The following GALNT18 variants were observed in gnomAD, a reference collection of about 807,000 sequenced individuals.
The protein encoded by GALNT18 is polypeptide N-acetylgalactosaminyltransferase 18, also known as GalNAc-transferase 18.
In GALNT18, 44 loss-of-function variants were observed where a neutral mutation model predicts 69.5. The ratio of observed to expected loss-of-function variants is 0.63; its 90% CI spans 0.50 to 0.81. The LOEUF (loss-of-function observed/expected upper bound fraction) is 0.81. Among genes scored for constraint, GALNT18 ranks in the 40% least tolerant of loss-of-function variants. The probability of loss-of-function intolerance (pLI) is 0.00; values close to 1 mark genes in which losing one functional copy is unlikely to be tolerated. For missense variants in GALNT18, 715 were observed against 810.0 expected (o/e 0.88, Z 1.42); for synonymous variants, 364 against 318.2 (o/e 1.14, Z -1.53).
intron 1 of GALNT18, among the ~76,000 whole-genome samples, chr11:11,556,018 C>T (rs138431296): frequency 2.0e-5 from 3 of 152,260 alleles, no homozygotes; most frequent in East Asian, 3.9e-4. Context: ...ACCATCAGTG[C>T]CAGGTCATGG....
At position 11,511,016 on chromosome 11, in the gene GALNT18, C is replaced by T. The variant is rs527258725; in HGVS notation, c.236-62080G>A. Reference sequence around the variant, plus strand: ...CACAACCGGCACTCTTTCCTCTCGGCGGGGCGTGCAGCTGGTACCGCCTTC... The same window carrying T: ...CACAACCGGCACTCTTTCCTCTCGGTGGGGCGTGCAGCTGGTACCGCCTTC... On this transcript the variant is annotated intron_variant, in intron 1 of 10. Transcript: ENST00000227756. This position sits in a 1 kb window ranked among gnomAD's most constrained non-coding sequence, Gnocchi z 4.9. Among the ~76,000 whole-genome samples the T allele has an allele frequency of 7.2e-5, 11 of 152,144 alleles. No individual in the cohort carries two copies. The highest frequency in any genetic ancestry group is 3.9e-4 in the East Asian group (2 of 5,154).
At chr11:11,274,869 G>A (rs982741849) in intron 10 of GALNT18, among the ~76,000 whole-genome samples, 15 of 152,086 alleles carry the variant, frequency 9.9e-5, no homozygotes, top group African/African-American at 3.6e-4. Context: ...CTTCATCCAT[G>A]GGACATGAAC....
chr11:11,424,503 T>G (rs1310097762), intron 3 of GALNT18, among the ~76,000 whole-genome samples: 1 of 152,176 alleles, frequency 6.6e-6, no homozygotes, highest in Non-Finnish European at 1.5e-5. Flanking sequence ...TCTACCTCCC[T>G]GGGAGATCAT....
chr11:11,394,289 G>A (rs760992227), intron 3 of GALNT18, among the ~76,000 whole-genome samples: 5 of 152,176 alleles, frequency 3.3e-5, no homozygotes, highest in Non-Finnish European at 5.9e-5. Context: ...ATGCATAAAG[G>A]CTAGAAGCAT....
At chr11:11,433,777 C>A (rs118037570) in intron 2 of GALNT18, among the ~76,000 whole-genome samples, 1 of 152,156 alleles carries the variant, frequency 6.6e-6, no homozygotes, top group Non-Finnish European at 1.5e-5. Context: ...CTGCCTGATA[C>A]TAAATGCTGT....
At chr11:11,370,774 G>C (rs10765842) in intron 6 of GALNT18, among the ~76,000 whole-genome samples, 66 of 152,218 alleles carry the variant, frequency 4.3e-4, no homozygotes, top group African/African-American at 1.4e-3. Flanking sequence ...TCACACACAT[G>C]CTGGAAGCAG....
rs1175474904 is a variant in GALNT18 at position 11,505,560 on chromosome 11, A to G, written c.236-56624T>C. 1.3e-5 allele frequency among the ~76,000 whole-genome samples: 2 copies of G among 152,130 alleles called. No individual in the cohort carries two copies. Among genetic ancestry groups the G allele is most frequent in the African/African-American group, 4.8e-5 (2 of 41,438 alleles). On this transcript the variant is annotated intron_variant, in intron 1 of 10. Coordinates refer to ENST00000227756, the MANE Select transcript of GALNT18 (RefSeq NM_198516.3). The surrounding 1 kb of genome is among the most constrained non-coding windows in gnomAD (Gnocchi z 4.6). ...TCCTGGGTTGCATATTACAGCTTCC[A>G]TTGCCTTACCACCTCCTCCCCCATC... is the stretch of plus-strand genomic sequence containing the variant.
At chr11:11,330,532 G>A (rs1414228357) in intron 8 of GALNT18, among the ~76,000 whole-genome samples, 1 of 152,172 alleles carries the variant, frequency 6.6e-6, no homozygotes, top group African/African-American at 2.4e-5. Context: ...CTGAGCAGTG[G>A]TGGGCTGATG....
rs1859103519 is a variant in GALNT18 at position 11,582,181 on chromosome 11, A to C, written c.235+39178T>G. 6.6e-6 allele frequency among the ~76,000 whole-genome samples: 1 copy of C among 152,200 alleles called. No individual in the cohort carries two copies. The highest frequency in any genetic ancestry group is 1.5e-5 in the Non-Finnish European group (1 of 68,030). ...TGAAGAGGGCATTCCCGAAAGAGGA[A>C]AGAGCAGGCAAAGGCTCTGAAGCAG... On this transcript the variant is annotated intron_variant, in intron 1 of 10. Coordinates refer to ENST00000227756, the MANE Select transcript of GALNT18 (RefSeq NM_198516.3). The surrounding 1 kb of genome is among the most constrained non-coding windows in gnomAD (Gnocchi z 5.0).
At chr11:11,327,037 A>G in intron 9 of GALNT18, 49 bp downstream of exon 9, 1 of 1,326,202 alleles carries the variant, frequency 7.5e-7, no homozygotes, top group South Asian at 1.2e-5. Flanking sequence ...TCCCCATGCC[A>G]GGCACTCATA....
rs138237793 is a variant in GALNT18 at position 11,547,685 on chromosome 11, C to G, written c.235+73674G>C. 1.8e-4 allele frequency among the ~76,000 whole-genome samples: 28 copies of G among 152,326 alleles called. 2 individuals carry two copies. The highest frequency in any genetic ancestry group is 6.7e-4 in the African/African-American group (28 of 41,574). On this transcript the variant is annotated intron_variant, in intron 1 of 10. Transcript: ENST00000227756. ...CTACCATGAATCTTAGGGTTCTAAG[C>G]CATCTCCCTGAATCCATACATTCCC...
intron 9 of GALNT18, among the ~76,000 whole-genome samples, chr11:11,296,632 T>TA (rs1252698098): frequency 6.6e-6 from 1 of 152,220 alleles, no homozygotes; most frequent in African/African-American, 2.4e-5. Flanking sequence ...AAATCAGTTT[T>TA]ATCCACTTAG....
At chr11:11,316,397 GA>G (rs1351490065) in intron 9 of GALNT18, among the ~76,000 whole-genome samples, 13 of 152,220 alleles carry the variant, frequency 8.5e-5, no homozygotes, top group African/African-American at 3.1e-4. Flanking sequence ...TGACGTGAAA[GA>G]TATGGGGGTG....
At chr11:11,409,756 C>T (rs927243031) in intron 3 of GALNT18, among the ~76,000 whole-genome samples, 5 of 152,128 alleles carry the variant, frequency 3.3e-5, no homozygotes, top group East Asian at 3.9e-4. Context: ...TGAGTTGGAA[C>T]GGGGAACTAA....
intron 6 of GALNT18, among the ~76,000 whole-genome samples, chr11:11,348,502 T>C (rs2133063978): frequency 6.6e-6 from 1 of 151,224 alleles, no homozygotes; most frequent in Admixed American, 6.6e-5. Flanking sequence ...ATGAAGACAA[T>C]GTCAGTGTGG....
intron 3 of GALNT18, among the ~76,000 whole-genome samples, chr11:11,420,649 T>C (rs11021846): frequency 0.1 from 15,555 of 152,256 alleles, 1,449 homozygotes; most frequent in East Asian, 0.42. Flanking sequence ...GCTGTAACTA[T>C]TGTCTGCACC....
At chr11:11,343,897 C>T (rs566312104) in intron 6 of GALNT18, among the ~76,000 whole-genome samples, 20 of 152,300 alleles carry the variant, frequency 1.3e-4, no homozygotes, top group South Asian at 6.2e-4. Context: ...CCTTTAGACA[C>T]GGTACAAGGA....
At chr11:11,397,315 A>G (rs181759677) in intron 3 of GALNT18, among the ~76,000 whole-genome samples, 350 of 152,296 alleles carry the variant, frequency 2.3e-3, no homozygotes, top group Middle Eastern at 0.01. Flanking sequence ...TAGTAGACAG[A>G]TATCAAAGAG....
Position 11,496,656 on chromosome 11 carries a change from A to G in GALNT18, c.236-47720T>C, listed in dbSNP as rs1856871513. On this transcript the variant is annotated intron_variant, in intron 1 of 10. Transcript: ENST00000227756. This position sits in a 1 kb window ranked among gnomAD's most constrained non-coding sequence, Gnocchi z 4.0. Reference sequence around the variant, plus strand: ...AGAAGGAAAGACTGCACCAGGAAGGAAGGGCAGGACCTGCAGGGCAAGCTG... The same window carrying G: ...AGAAGGAAAGACTGCACCAGGAAGGGAGGGCAGGACCTGCAGGGCAAGCTG... Among the ~76,000 whole-genome samples the G allele has an allele frequency of 6.6e-6, 1 of 151,654 alleles. No individual in the cohort carries two copies. Among genetic ancestry groups the G allele is most frequent in the Admixed American group, 6.6e-5 (1 of 15,204 alleles).
Sources: allele counts gnomAD v4.1 joint callset (sites outside exome capture counted in the v4.1 genomes callset), GRCh38; gene constraint gnomAD v4.1.1; non-coding constraint Gnocchi (gnomAD v3.1); transcripts MANE v1.5; gene names NCBI Gene and HGNC (gene_info 2026-07-23, HGNC 2026-07-21).